Variants in DYSF observed in about 807,000 individuals in gnomAD.
DYSF encodes dystrophy-associated fer-1-like 1.
A neutral mutation model predicts 274.9 loss-of-function variants in DYSF; 212 were observed. That is an observed-to-expected ratio of 0.77 (90% CI 0.69 to 0.86). The LOEUF (loss-of-function observed/expected upper bound fraction) is 0.86. Among genes scored for constraint, DYSF ranks in the 40% least tolerant of loss-of-function variants. The probability of loss-of-function intolerance (pLI) is 0.00; values close to 1 mark genes in which losing one functional copy is unlikely to be tolerated. For synonymous variants in DYSF, 1,091 were observed against 1,078.7 expected, an observed-to-expected ratio of 1.01 and a Z score of -0.22; for missense variants, 2,666 against 2,783.2, an observed-to-expected ratio of 0.96 and a Z score of 0.95.
intron 32 of DYSF, among the ~76,000 whole-genome samples, chr2:71,595,489 GGTGGTCTGA>G (rs1480306426): frequency 6.6e-6 from 1 of 152,190 alleles, no homozygotes; most frequent in African/African-American, 2.4e-5. Flanking sequence ...CCCCGACCCT[GGTGGTCTGA>G]GTGGTTGGTG....
intron 7 of DYSF, among the ~76,000 whole-genome samples, chr2:71,515,410 C>G (rs2152734045): frequency 6.6e-6 from 1 of 152,280 alleles, no homozygotes; most frequent in South Asian, 2.1e-4. Flanking sequence ...AGCCTGGCAG[C>G]TCTTCTATGG....
intron 30 of DYSF, among the ~76,000 whole-genome samples, chr2:71,585,748 G>A (rs990145060): frequency 6.6e-6 from 1 of 152,168 alleles, no homozygotes; most frequent in Non-Finnish European, 1.5e-5. Context: ...TGCCTGTGAG[G>A]TGCTCTGCTG....
intron 17 of DYSF, among the ~76,000 whole-genome samples, chr2:71,542,879 C>T (rs961494118): frequency 6.6e-6 from 1 of 152,262 alleles, no homozygotes. Flanking sequence ...TCCCAATGAG[C>T]TGCTGGGTAC....
chr2:71,577,621 G>A (rs1483408369), intron 30 of DYSF, among the ~76,000 whole-genome samples: 4 of 150,504 alleles, frequency 2.7e-5, no homozygotes, highest in African/African-American at 9.8e-5. Context: ...CACACATTCT[G>A]ACATACACTC....
intron 29 of DYSF, among the ~76,000 whole-genome samples, chr2:71,573,146 G>T (rs1196652643): frequency 6.6e-6 from 1 of 152,190 alleles, no homozygotes; most frequent in East Asian, 1.9e-4. Flanking sequence ...CATGACCTAG[G>T]TTCCTTCCTT....
chr2:71,616,043 A>G (rs1481746821), intron 40 of DYSF, among the ~76,000 whole-genome samples: 3 of 152,026 alleles, frequency 2.0e-5, no homozygotes, highest in Non-Finnish European at 2.9e-5. Flanking sequence ...CTGCTCCCAA[A>G]GCCTTCTTAC....
At chr2:71,554,905 T>C (rs989348841) in intron 21 of DYSF, among the ~76,000 whole-genome samples, 2 of 152,252 alleles carry the variant, frequency 1.3e-5, no homozygotes, top group African/African-American at 4.8e-5. Flanking sequence ...CTGATGGTCC[T>C]GGCAGTGGCT....
At chr2:71,463,585 G>A (rs4542877), upstream of DYSF, among the ~76,000 whole-genome samples, 5,134 of 152,326 alleles carry the variant, frequency 0.034, 165 homozygotes, top group African/African-American at 0.082. Context: ...ATGGGCCGCT[G>A]CTGCCAGCAA....
intron 29 of DYSF, among the ~76,000 whole-genome samples, chr2:71,571,304 T>TCACACC (rs2092421475): frequency 8.9e-6 from 1 of 112,416 alleles, no homozygotes; most frequent in South Asian, 2.9e-4. Flanking sequence ...CACACACAGA[T>TCACACC]TACACCTAGC....
chr2:71,634,043 A>G (rs1021208388), intron 41 of DYSF, among the ~76,000 whole-genome samples: 2 of 152,100 alleles, frequency 1.3e-5, no homozygotes, highest in Non-Finnish European at 2.9e-5. Context: ...GATCTCCGCT[A>G]TTTTCTCTGG....
intron 14 of DYSF, among the ~76,000 whole-genome samples, chr2:71,533,224 T>G (rs1159414603): frequency 6.6e-6 from 1 of 152,202 alleles, no homozygotes; most frequent in Non-Finnish European, 1.5e-5. Context: ...TTTGCCACAT[T>G]ATCCAGGCTT....
At chr2:71,489,656 G>A (rs34278534) in intron 3 of DYSF, among the ~76,000 whole-genome samples, 15,724 of 152,206 alleles carry the variant, frequency 0.1, 1,009 homozygotes, top group Admixed American at 0.18. Flanking sequence ...CGACAGAGGC[G>A]CCTGGGGAGG....
intron 26 of DYSF, among the ~76,000 whole-genome samples, chr2:71,569,547 A>G (rs975617444): frequency 6.6e-6 from 1 of 152,136 alleles, no homozygotes; most frequent in African/African-American, 2.4e-5. Flanking sequence ...TCAAGCCTCG[A>G]CTGCCCATCC....
chr2:71,496,403 A>C (rs1420479780), intron 3 of DYSF, among the ~76,000 whole-genome samples: 2 of 152,062 alleles, frequency 1.3e-5, no homozygotes, highest in Non-Finnish European at 2.9e-5. Flanking sequence ...AGAGAGAGCG[A>C]GGGGAACACG....
intron 4 of DYSF, among the ~76,000 whole-genome samples, chr2:71,511,466 A>T (rs929997486): frequency 3.3e-5 from 5 of 152,208 alleles, no homozygotes; most frequent in African/African-American, 1.2e-4. Flanking sequence ...ACTACGTGCT[A>T]CATCAACTAA....
intron 3 of DYSF, among the ~76,000 whole-genome samples, chr2:71,482,354 C>CAGGG (rs2082986711): frequency 6.6e-6 from 1 of 152,210 alleles, no homozygotes; most frequent in African/African-American, 2.4e-5. Context: ...CTGCAGGAGG[C>CAGGG]AGGCAGGCAG....
chr2:71,553,757 A>ACCCC, intron 20 of DYSF, 50 bp from the exon 21 acceptor site: 3 of 461,878 alleles, frequency 6.5e-6, no homozygotes, highest in East Asian at 9.3e-5. Context: ...ACCCCATCCC[A>ACCCC]CCCGCCCTCC....
chr2:71,615,195 A>G lies in DYSF; in HGVS notation c.4464+1785A>G, dbSNP rs562562574. ...GCCTGGCCATCCTCCCGGCGTTGAC[A>G]TGAGGGAACTGGGGCTGGGATCTGA... On this transcript the variant is annotated intron_variant, in intron 40 of 55. Coordinates refer to ENST00000410020, the MANE Select transcript of DYSF (RefSeq NM_001130987.2). This position sits in a 1 kb window ranked among gnomAD's most constrained non-coding sequence, Gnocchi z 4.9. 2.6e-5 allele frequency among the ~76,000 whole-genome samples: 4 copies of G among 152,148 alleles called. No individual in the cohort carries two copies. The highest frequency in any genetic ancestry group is 4.4e-5 in the Non-Finnish European group (3 of 68,018).
intron 32 of DYSF, among the ~76,000 whole-genome samples, chr2:71,593,606 A>G (rs775091677): frequency 2.0e-5 from 3 of 152,154 alleles, no homozygotes; most frequent in African/African-American, 7.2e-5. Flanking sequence ...AGTGGGTAGC[A>G]TTGCTTCCCT....
Sources: gnomAD v4.1 joint callset for allele counts (sites outside exome capture counted in the v4.1 genomes callset) on GRCh38, gnomAD v4.1.1 for gene constraint, Gnocchi (gnomAD v3.1) non-coding constraint, MANE v1.5 for transcripts, NCBI Gene and HGNC (gene_info 2026-07-23, HGNC 2026-07-21) for gene names.